HS6ST3: variants seen among roughly 807,000 people sequenced by gnomAD.
HS6ST3 encodes heparan-sulfate 6-O-sulfotransferase 3.
HS6ST3 carries 12 observed loss-of-function variants against 36.7 expected under a neutral mutation model. The ratio of observed to expected loss-of-function variants is 0.33; its 90% CI spans 0.21 to 0.53. HS6ST3 has a LOEUF of 0.53. Ranked by LOEUF, HS6ST3 falls within the 20% of genes least tolerant of loss-of-function variation. The probability of loss-of-function intolerance (pLI) is 0.95; values close to 1 mark genes in which losing one functional copy is unlikely to be tolerated. For missense variants in HS6ST3, 584 were observed against 640.9 expected, an observed-to-expected ratio of 0.91 and a Z score of 0.96; for synonymous variants, 240 against 257.5, an observed-to-expected ratio of 0.93 and a Z score of 0.65.
At chr13:96,596,677 A>G (rs991696108) in intron 1 of HS6ST3, among the ~76,000 whole-genome samples, 2 of 152,184 alleles carry the variant, frequency 1.3e-5, no homozygotes, top group African/African-American at 4.8e-5. Context: ...AAAAGTCAAA[A>G]AAGAACAGAT....
At chr13:96,450,760 T>C (rs2055723697) in intron 1 of HS6ST3, among the ~76,000 whole-genome samples, 1 of 152,232 alleles carries the variant, frequency 6.6e-6, no homozygotes, top group Admixed American at 6.5e-5. Context: ...CTGCTCATTA[T>C]GAAATAGATG....
chr13:96,267,757 A>G (rs951100752), intron 1 of HS6ST3, among the ~76,000 whole-genome samples: 2 of 152,202 alleles, frequency 1.3e-5, no homozygotes, highest in East Asian at 1.9e-4. Flanking sequence ...ATTGTGTGAA[A>G]CTGATAAGTC....
intron 1 of HS6ST3, among the ~76,000 whole-genome samples, chr13:96,674,832 A>ATG (rs2138433619): frequency 6.6e-6 from 1 of 152,212 alleles, no homozygotes; most frequent in East Asian, 1.9e-4. Flanking sequence ...GATTTCAAAA[A>ATG]TTGTGTTGAT....
At chr13:96,226,741 A>G (rs554767103) in intron 1 of HS6ST3, among the ~76,000 whole-genome samples, 1 of 152,330 alleles carries the variant, frequency 6.6e-6, no homozygotes, top group East Asian at 1.9e-4. Context: ...GGGGGCCTTT[A>G]AATCTAGGAT....
intron 1 of HS6ST3, among the ~76,000 whole-genome samples, chr13:96,319,216 G>A (rs992667594): frequency 6.6e-6 from 1 of 152,192 alleles, no homozygotes; most frequent in Non-Finnish European, 1.5e-5. Context: ...TTTGAAAAAA[G>A]TGGTCTTCTA....
chr13:96,722,969 C>A lies in HS6ST3; in HGVS notation c.708-109521C>A, dbSNP rs145940199. 8.9e-3 allele frequency among the ~76,000 whole-genome samples: 1,325 copies of A among 149,372 alleles called. 23 individuals are homozygous for A. The highest frequency in any genetic ancestry group is 0.032 in the African/African-American group (1,267 of 40,006). ...TCCAGCCTGGTCAATAGAGCAAGAC[C>A]CTGTCTCAAAAAAATATACGTGTGT... On this transcript the variant is annotated intron_variant, in intron 1 of 1. Coordinates refer to ENST00000376705, the MANE Select transcript of HS6ST3 (RefSeq NM_153456.4).
chr13:96,826,248 G>A (rs1296297117), intron 1 of HS6ST3, among the ~76,000 whole-genome samples: 3 of 152,060 alleles, frequency 2.0e-5, no homozygotes, highest in African/African-American at 7.2e-5. Flanking sequence ...AATGACAAGT[G>A]CATTAGAAGA....
intron 1 of HS6ST3, among the ~76,000 whole-genome samples, chr13:96,667,637 G>A (rs1448705861): frequency 1.4e-4 from 22 of 152,114 alleles, no homozygotes; most frequent in Admixed American, 1.4e-3. Flanking sequence ...TTTAGAAATA[G>A]ACAAATCTGA....
At chr13:96,279,394 C>A (rs2054763932) in intron 1 of HS6ST3, among the ~76,000 whole-genome samples, 1 of 152,044 alleles carries the variant, frequency 6.6e-6, no homozygotes, top group Admixed American at 6.6e-5. Flanking sequence ...TGGTCTCTAG[C>A]ATTGTGGAGT....
chr13:96,158,897 G>A (rs2054123214), intron 1 of HS6ST3, among the ~76,000 whole-genome samples: 1 of 152,056 alleles, frequency 6.6e-6, no homozygotes, highest in Non-Finnish European at 1.5e-5. Context: ...AAGAGCCAGG[G>A]TCCTTTGTGA....
Position 96,153,259 on chromosome 13 carries a change from G to A in HS6ST3, c.707+61690G>A, listed in dbSNP as rs1053169108. ...TGTGAGCCCTCATTACAGGCGTTGA[G>A]TTGTTACTGATTAGAGCACACAAGA... On this transcript the variant is annotated intron_variant, in intron 1 of 1. Coordinates refer to ENST00000376705, the MANE Select transcript of HS6ST3 (RefSeq NM_153456.4). Among the ~76,000 whole-genome samples the A allele has an allele frequency of 4.6e-5, 7 of 152,200 alleles. 1 individual carries two copies. Among genetic ancestry groups the A allele is most frequent in the Middle Eastern group, 6.3e-3 (2 of 316 alleles).
intron 1 of HS6ST3, among the ~76,000 whole-genome samples, chr13:96,258,761 C>T (rs1468937428): frequency 2.6e-5 from 4 of 151,956 alleles, no homozygotes; most frequent in Non-Finnish European, 5.9e-5. Flanking sequence ...AATAATGGTC[C>T]AACTGAATCC....
intron 1 of HS6ST3, among the ~76,000 whole-genome samples, chr13:96,676,321 T>G (rs2056698757): frequency 6.6e-6 from 1 of 152,096 alleles, no homozygotes; most frequent in African/African-American, 2.4e-5. Flanking sequence ...AATGAGATAC[T>G]GGAGGTAAGG....
At chr13:96,382,219 A>G (rs2139446839) in intron 1 of HS6ST3, among the ~76,000 whole-genome samples, 1 of 152,242 alleles carries the variant, frequency 6.6e-6, no homozygotes, top group Middle Eastern at 3.4e-3. Context: ...AGGCCTTTTC[A>G]ATTTTATCAG....
intron 1 of HS6ST3, among the ~76,000 whole-genome samples, chr13:96,588,443 C>T (rs2056370067): frequency 6.6e-6 from 1 of 152,092 alleles, no homozygotes; most frequent in African/African-American, 2.4e-5. Context: ...GTCATGAAAG[C>T]ATATTGAATT....
chr13:96,454,149 T>C (rs1381966964), intron 1 of HS6ST3, among the ~76,000 whole-genome samples: 1 of 152,112 alleles, frequency 6.6e-6, no homozygotes, highest in Non-Finnish European at 1.5e-5. Context: ...GTTGTCAAGA[T>C]TGAATATGTT....
At chr13:96,501,017 G>A (rs1162724700) in intron 1 of HS6ST3, among the ~76,000 whole-genome samples, 1 of 152,068 alleles carries the variant, frequency 6.6e-6, no homozygotes, top group African/African-American at 2.4e-5. Context: ...AGTTTTGGTG[G>A]AAGGAATTGC....
At chr13:96,278,789 A>G (rs2054760834) in intron 1 of HS6ST3, among the ~76,000 whole-genome samples, 1 of 152,196 alleles carries the variant, frequency 6.6e-6, no homozygotes, top group Admixed American at 6.5e-5. Flanking sequence ...TCAAGGTTTT[A>G]TAAATGATTT....
chr13:96,345,805 C>T (rs1226586644), intron 1 of HS6ST3, among the ~76,000 whole-genome samples: 1 of 152,118 alleles, frequency 6.6e-6, no homozygotes, highest in Non-Finnish European at 1.5e-5. Context: ...TTGGGCCACA[C>T]ATAAAATACA....
Sources: gnomAD v4.1 joint callset for allele counts (sites outside exome capture counted in the v4.1 genomes callset) on GRCh38, gnomAD v4.1.1 for gene constraint, MANE v1.5 for transcripts, NCBI Gene and HGNC (gene_info 2026-07-23, HGNC 2026-07-21) for gene names.